The following GMPS variants were observed in gnomAD, a reference collection of about 807,000 sequenced individuals.
GMPS encodes guanosine monophosphate synthase.
In GMPS, 15 loss-of-function variants were observed where a neutral mutation model predicts 77.9. That is an observed-to-expected ratio of 0.19 (90% confidence interval 0.13 to 0.30). GMPS has a LOEUF of 0.30. GMPS is among the 10% of genes least tolerant of loss of function. GMPS has a pLI of 1.00. For synonymous variants in GMPS, 224 were observed against 275.9 expected, an observed-to-expected ratio of 0.81 and a Z score of 1.86; for missense variants, 590 against 838.8, an observed-to-expected ratio of 0.70 and a Z score of 3.66.
chr3:155,900,636 A>G (rs1332968847), intron 3 of GMPS, among the ~76,000 whole-genome samples: 7 of 152,154 alleles, frequency 4.6e-5, no homozygotes, highest in Non-Finnish European at 7.4e-5. Context: ...GTTTCCTGAT[A>G]TAATTATAAG....
intron 1 of GMPS, among the ~76,000 whole-genome samples, chr3:155,892,726 G>A (rs1181365930): frequency 6.6e-6 from 1 of 152,176 alleles, no homozygotes. Context: ...CCGCCTCCGG[G>A]GTTCAAGCGA....
chr3:155,919,226 C>T lies in GMPS; in HGVS notation c.1213-7C>T, dbSNP rs1049947884. 3 of 1,374,216 alleles carry T rather than the reference C, an allele frequency of 2.2e-6. No individual in the cohort carries two copies. The highest frequency in any genetic ancestry group is 2.4e-5 in the East Asian group (1 of 42,052). The allele number at this position is 1,374,216 out of a possible 1,614,324, so 85.1% of individuals were successfully genotyped here. A position where few individuals can be genotyped will look rare whatever the true frequency, so the allele number is the denominator to read the frequency against. On this transcript the variant is annotated splice_region_variant and splice_polypyrimidine_tract_variant and intron_variant, in intron 9 of 15. Coordinates refer to ENST00000496455, the MANE Select transcript of GMPS (RefSeq NM_003875.3). Reference sequence around the variant, plus strand: ...TTTATATTGGTTGGCTTCTTTCCTCCCTGTAGGGAAAAGTAATAGAACCTC... The same window carrying T: ...TTTATATTGGTTGGCTTCTTTCCTCTCTGTAGGGAAAAGTAATAGAACCTC...
chr3:155,922,163 T>C (rs188581402), intron 10 of GMPS, 24 bp from the exon 11 acceptor site: 8 of 867,590 alleles, frequency 9.2e-6, no homozygotes, highest in Middle Eastern at 2.3e-4. Context: ...TAATGTTAAA[T>C]ACTATTATTA....
chr3:155,907,979 C>T (rs751127224), intron 5 of GMPS, among the ~76,000 whole-genome samples: 2 of 152,002 alleles, frequency 1.3e-5, no homozygotes, highest in Non-Finnish European at 2.9e-5. Flanking sequence ...TAGTTGGATG[C>T]CAGAACACAG....
At position 155,943,731 on chromosome 3, in the gene GMPS, A is replaced by G. The variant is rs904282723; in HGVS notation, c.*6039A>G. 6.1e-6 allele frequency: 1 copy of G among 163,982 alleles called. No homozygotes were observed. Among genetic ancestry groups the G allele is most frequent in the Non-Finnish European group, 1.3e-5 (1 of 74,818 alleles). The allele number at this position is 163,982 out of a possible 1,614,324, so 10.2% of individuals were successfully genotyped here. On this transcript the variant is annotated 3_prime_UTR_variant, in exon 16 of 16. Coordinates refer to ENST00000496455, the MANE Select transcript of GMPS (RefSeq NM_003875.3). ...ATACTTCATAAAGGAGGAAATGATG[A>G]TTTACACAATTTGTCATGAAGCTTC...
chr3:155,921,952 A>G (rs1755327834), intron 10 of GMPS, among the ~76,000 whole-genome samples: 1 of 152,226 alleles, frequency 6.6e-6, no homozygotes, highest in Non-Finnish European at 1.5e-5. Context: ...AAACGTATGC[A>G]TAATTTAAAT....
At chr3:155,877,095 T>C (rs1754068057) in intron 1 of GMPS, among the ~76,000 whole-genome samples, 2 of 152,334 alleles carry the variant, frequency 1.3e-5, no homozygotes, top group South Asian at 2.1e-4. Context: ...TCTCAGTAAT[T>C]CTTCTGAATC....
At chr3:155,910,659 A>C in intron 5 of GMPS, 33 bp from the exon 6 acceptor site, 4 of 1,194,644 alleles carry the variant, frequency 3.3e-6, no homozygotes, top group Non-Finnish European at 4.6e-6. Context: ...CAGCATGAAA[A>C]AATTTTAATT....
intron 12 of GMPS, 134 bp downstream of exon 12, chr3:155,925,500 G>A: frequency 1.8e-6 from 1 of 567,900 alleles, no homozygotes; most frequent in Non-Finnish European, 3.1e-6. Flanking sequence ...CGCCTCCTGG[G>A]TTCAAGCACT....
intron 7 of GMPS, among the ~76,000 whole-genome samples, chr3:155,913,458 T>G (rs978967853): frequency 4.6e-5 from 7 of 152,076 alleles, no homozygotes; most frequent in African/African-American, 1.4e-4. Context: ...GGGCTAAGCT[T>G]CTTGCTGTGG....
chr3:155,903,925 C>A lies in GMPS; in HGVS notation c.387C>A (p.Phe129Leu). 6.5e-7 allele frequency: 1 copy of A among 1,530,220 alleles called. No homozygotes were observed. The highest frequency in any genetic ancestry group is 8.9e-7 in the Non-Finnish European group (1 of 1,117,410). The allele number at this position is 1,530,220 out of a possible 1,614,324, so 94.8% of individuals were successfully genotyped here. ...AAAGTGTCAGAGAAGATGGAGTTTT[C>A]AACATTAGTGTGGATAATACATGTT... ...HKKSVREDGV[F>L]NISVDNTCSL... Residue 129 changes from phenylalanine to leucine, a missense_variant, in exon 4 of 16, where the codon TTC (phenylalanine) becomes TTA (leucine). Physicochemically the swap from Phe to Leu is conservative, Grantham distance 22. Coordinates refer to ENST00000496455, the MANE Select transcript of GMPS (RefSeq NM_003875.3).
intron 1 of GMPS, among the ~76,000 whole-genome samples, chr3:155,890,401 A>G (rs911718845): frequency 8.5e-5 from 13 of 152,354 alleles, no homozygotes; most frequent in Non-Finnish European, 1.5e-4. Flanking sequence ...GAAAATTACA[A>G]TTGTTTTGTG....
At chr3:155,920,310 A>G (rs193121282) in intron 10 of GMPS, among the ~76,000 whole-genome samples, 63 of 152,280 alleles carry the variant, frequency 4.1e-4, no homozygotes, top group African/African-American at 1.5e-3. Context: ...CTTGTTCTCA[A>G]ATCAAGTAAT....
At position 155,942,794 on chromosome 3, in the gene GMPS, A is replaced by G. The variant is rs1355537322; in HGVS notation, c.*5102A>G. ...CTCCAATTCTGACTCTAGCTAGGTC[A>G]TGAAACAGACTGAGCTATTATTGCA... On this transcript the variant is annotated 3_prime_UTR_variant, in exon 16 of 16. Transcript: ENST00000496455. 3 of 221,596 alleles carry G rather than the reference A, an allele frequency of 1.4e-5. No homozygotes were observed. Among genetic ancestry groups the G allele is most frequent in the African/African-American group, 2.2e-5 (1 of 44,694 alleles). The allele number at this position is 221,596 out of a possible 1,614,324, so 13.7% of individuals were successfully genotyped here. A position where few individuals can be genotyped will look rare whatever the true frequency, so the allele number is the denominator to read the frequency against.
In GMPS at chr3:155,871,128, G is replaced by T. The variant is rs373047615; in HGVS notation, c.27+231G>T. 5.5e-3 allele frequency among the ~76,000 whole-genome samples: 839 copies of T among 152,146 alleles called. 2 individuals carry two copies. The highest frequency in any genetic ancestry group is 0.015 in the South Asian group (71 of 4,822). Reference sequence around the variant, plus strand: ...CTGCGTGTCGAGGTCCGGGCGTCGGGGAGGGCATCAGCTCCCCGCGGCCGC... The same window carrying T: ...CTGCGTGTCGAGGTCCGGGCGTCGGTGAGGGCATCAGCTCCCCGCGGCCGC... On this transcript the variant is annotated intron_variant, in intron 1 of 15. Transcript: ENST00000496455.
chr3:155,917,261 C>T (rs1270322420), intron 9 of GMPS, among the ~76,000 whole-genome samples: 1 of 152,210 alleles, frequency 6.6e-6, no homozygotes, highest in Admixed American at 6.5e-5. Context: ...GTGTGAGCCA[C>T]TGCATCCAGC....
At chr3:155,886,544 G>A (rs1040947673) in intron 1 of GMPS, among the ~76,000 whole-genome samples, 4 of 144,670 alleles carry the variant, frequency 2.8e-5, no homozygotes, top group Admixed American at 7.0e-5. Context: ...ACTCTAGCCC[G>A]GGCTACAGTA....
At chr3:155,882,711 C>A (rs1038609446) in intron 1 of GMPS, among the ~76,000 whole-genome samples, 2 of 152,154 alleles carry the variant, frequency 1.3e-5, no homozygotes, top group African/African-American at 4.8e-5. Flanking sequence ...ACTTTGTCAA[C>A]TTGTTATGCA....
chr3:155,923,575 A>G lies in GMPS; in HGVS notation c.1434+1273A>G, dbSNP rs374316483. ...CCTACCCAGGAAATTATACTGAAAC[A>G]GTAAAGGCAAGACTTCAAAATACCA... On this transcript the variant is annotated intron_variant, in intron 11 of 15. Transcript: ENST00000496455. 1.6e-4 allele frequency among the ~76,000 whole-genome samples: 24 copies of G among 152,338 alleles called. 1 individual carries two copies. The highest frequency in any genetic ancestry group is 1.2e-3 in the East Asian group (6 of 5,176).
Sources: allele counts gnomAD v4.1 joint callset (sites outside exome capture counted in the v4.1 genomes callset), GRCh38; gene constraint gnomAD v4.1.1; transcripts MANE v1.5; gene names NCBI Gene and HGNC (gene_info 2026-07-23, HGNC 2026-07-21).